SMARCC1: variants seen among roughly 807,000 people sequenced by gnomAD.
SMARCC1 encodes the protein SWI/SNF complex subunit SMARCC1.
In SMARCC1, 43 loss-of-function variants were observed where a neutral mutation model predicts 147.4. The ratio of observed to expected loss-of-function variants is 0.29; its 90% CI spans 0.23 to 0.38. The LOEUF is 0.38. Among genes scored for constraint, SMARCC1 ranks in the 10% least tolerant of loss-of-function variants. SMARCC1 has a pLI of 1.00. For missense variants in SMARCC1, 1,119 were observed against 1,381.1 expected, an observed-to-expected ratio of 0.81 and a Z score of 3.01; for synonymous variants, 495 against 484.4, an observed-to-expected ratio of 1.02 and a Z score of -0.29.
At chr3:47,689,224 T>C (rs1559645663) in intron 13 of SMARCC1, among the ~76,000 whole-genome samples, 163 bp downstream of exon 13, 1 of 152,132 alleles carries the variant, frequency 6.6e-6, no homozygotes, top group Non-Finnish European at 1.5e-5. Flanking sequence ...TCTTATATTG[T>C]ATTTGTTTTC....
At chr3:47,627,380 C>T (rs1373122505) in intron 24 of SMARCC1, among the ~76,000 whole-genome samples, 1 of 151,454 alleles carries the variant, frequency 6.6e-6, no homozygotes, top group Non-Finnish European at 1.5e-5. Context: ...CATTTCCAGG[C>T]CATGGAAAAA....
In SMARCC1 at chr3:47,601,130, CTTTTTTT is replaced by C. The variant is rs527274418; in HGVS notation, c.3043+8929_3043+8935del. ...ACAAGCTTTTTTTCTTTTCTTTTTT[CTTTTTTT>C]TTTTTAAACAGCAGGCATCTGAAGC... On this transcript the variant is annotated intron_variant, in intron 26 of 27. Coordinates refer to ENST00000254480, the MANE Select transcript of SMARCC1 (RefSeq NM_003074.4). 1.4e-3 allele frequency among the ~76,000 whole-genome samples: 180 copies of C among 129,190 alleles called. 1 individual carries two copies. Among genetic ancestry groups the C allele is most frequent in the African/African-American group, 4.4e-3 (153 of 34,962 alleles). The allele number at this position is 129,190 out of a possible 152,430, so 84.8% of individuals were successfully genotyped here.
At chr3:47,665,359 C>T (rs2033407708) in intron 19 of SMARCC1, among the ~76,000 whole-genome samples, 1 of 152,154 alleles carries the variant, frequency 6.6e-6, no homozygotes, top group African/African-American at 2.4e-5. Flanking sequence ...AAAAATAAAT[C>T]TCACTCGGGT....
intron 24 of SMARCC1, among the ~76,000 whole-genome samples, chr3:47,626,452 T>A (rs1370723624): frequency 1.0e-5 from 1 of 95,712 alleles, no homozygotes; most frequent in East Asian, 3.1e-4. Context: ...GGTGAGACCC[T>A]GTCTTTAAAA....
chr3:47,757,770 C>T (rs1160671862), intron 2 of SMARCC1, among the ~76,000 whole-genome samples: 1 of 138,654 alleles, frequency 7.2e-6, no homozygotes, highest in Admixed American at 7.8e-5. Context: ...GGCGACAAAG[C>T]GAGGCTCCGT....
At chr3:47,630,731 T>C (rs1178047171) in intron 24 of SMARCC1, among the ~76,000 whole-genome samples, 1 of 152,180 alleles carries the variant, frequency 6.6e-6, no homozygotes, top group Non-Finnish European at 1.5e-5. Flanking sequence ...GTTAATACCT[T>C]GTGACTAAAG....
intron 27 of SMARCC1, among the ~76,000 whole-genome samples, chr3:47,589,156 T>A (rs2032133748): frequency 6.6e-6 from 1 of 152,210 alleles, no homozygotes; most frequent in African/African-American, 2.4e-5. Flanking sequence ...ATCCCTTGTG[T>A]CATCTTTCAG....
intron 11 of SMARCC1, among the ~76,000 whole-genome samples, chr3:47,697,354 G>A (rs113161988): frequency 6.6e-6 from 1 of 150,628 alleles, no homozygotes; most frequent in Non-Finnish European, 1.5e-5. Flanking sequence ...AGGCTGGAGT[G>A]CCCTGGCGTG....
At chr3:47,644,226 T>C (rs989159119) in intron 21 of SMARCC1, among the ~76,000 whole-genome samples, 42 of 152,058 alleles carry the variant, frequency 2.8e-4, no homozygotes, top group African/African-American at 9.9e-4. Flanking sequence ...ATGCCTGTAA[T>C]GCCCAGTACT....
At chr3:47,720,762 C>T (rs749496359) in intron 6 of SMARCC1, 27 bp from the exon 7 acceptor site, 2 of 1,461,306 alleles carry the variant, frequency 1.4e-6, no homozygotes, top group South Asian at 2.4e-5. Context: ...AACAACTTTA[C>T]TCAAACTGAC....
intron 14 of SMARCC1, among the ~76,000 whole-genome samples, chr3:47,682,616 T>C (rs1424990504): frequency 2.0e-5 from 3 of 152,316 alleles, no homozygotes; most frequent in East Asian, 1.9e-4. Flanking sequence ...TCTTAGGCCA[T>C]TGTACTAACG....
intron 25 of SMARCC1, among the ~76,000 whole-genome samples, chr3:47,613,799 G>A (rs1361535748): frequency 6.6e-6 from 1 of 152,086 alleles, no homozygotes; most frequent in African/African-American, 2.4e-5. Context: ...CACTTCCCCT[G>A]CTTTCAAAAA....
intron 3 of SMARCC1, among the ~76,000 whole-genome samples, chr3:47,739,547 T>C (rs907239942): frequency 2.0e-5 from 3 of 152,174 alleles, no homozygotes; most frequent in Non-Finnish European, 2.9e-5. Flanking sequence ...TGGTCCAGAC[T>C]GGTCTCAAAT....
intron 2 of SMARCC1, among the ~76,000 whole-genome samples, chr3:47,762,797 T>C (rs1288567925): frequency 6.6e-6 from 1 of 152,054 alleles, no homozygotes; most frequent in Non-Finnish European, 1.5e-5. Context: ...CTGGGTGCAG[T>C]AGCTCACGCC....
At chr3:47,709,778 A>C (rs1002110502) in intron 9 of SMARCC1, among the ~76,000 whole-genome samples, 2 of 152,174 alleles carry the variant, frequency 1.3e-5, no homozygotes, top group African/African-American at 4.8e-5. Context: ...ACCCAATACT[A>C]ACACACCTTC....
intron 21 of SMARCC1, among the ~76,000 whole-genome samples, chr3:47,641,494 A>T (rs1166453056): frequency 6.6e-6 from 1 of 152,198 alleles, no homozygotes; most frequent in Non-Finnish European, 1.5e-5. Flanking sequence ...CAAAGGAAAA[A>T]AGAAGGAATA....
At chr3:47,752,997 T>C (rs1390319574) in intron 2 of SMARCC1, among the ~76,000 whole-genome samples, 1 of 152,088 alleles carries the variant, frequency 6.6e-6, no homozygotes, top group Non-Finnish European at 1.5e-5. Context: ...ATATAAGTGG[T>C]TTCACCCTAC....
In SMARCC1 at chr3:47,667,914, C is replaced by G. The variant is rs543280299; in HGVS notation, c.1899+2744G>C. 7.9e-5 allele frequency among the ~76,000 whole-genome samples: 12 copies of G among 151,820 alleles called. No individual in the cohort carries two copies. The South Asian group carries it at 2.5e-3, about 32-fold the overall frequency. ...ACTGTGAACCCAGTACAGTGGCTCA[C>G]GTCTGTAATCTAAGTACTCTGGGAG... On this transcript the variant is annotated intron_variant, in intron 19 of 27. Coordinates refer to ENST00000254480, the MANE Select transcript of SMARCC1 (RefSeq NM_003074.4).
At chr3:47,695,929 T>G (rs78862788) in intron 11 of SMARCC1, among the ~76,000 whole-genome samples, 122,565 of 122,718 alleles carry the variant, frequency 1, 61,206 homozygotes, top group Non-Finnish European at 1. Flanking sequence ...CAGCCGGGCG[T>G]GGTGGTGCAT....
Sources: gnomAD v4.1 joint callset for allele counts (sites outside exome capture counted in the v4.1 genomes callset) on GRCh38, gnomAD v4.1.1 for gene constraint, MANE v1.5 for transcripts, NCBI Gene and HGNC (gene_info 2026-07-23, HGNC 2026-07-21) for gene names.